The following STYX variants were observed in gnomAD, a reference collection of about 807,000 sequenced individuals.
The protein encoded by STYX is serine/threonine/tyrosine interacting protein.
STYX carries 20 observed loss-of-function variants against 42.7 expected under a neutral mutation model. That is an observed-to-expected ratio of 0.47 (90% confidence interval 0.33 to 0.68). The LOEUF (loss-of-function observed/expected upper bound fraction) is 0.68. Ranked by LOEUF, STYX falls within the 30% of genes least tolerant of loss-of-function variation. STYX has a pLI of 0.02. For synonymous variants in STYX, 78 were observed against 81.9 expected, an observed-to-expected ratio of 0.95 and a Z score of 0.26; for missense variants, 226 against 268.5, an observed-to-expected ratio of 0.84 and a Z score of 1.11.
intron 9 of STYX, among the ~76,000 whole-genome samples, chr14:52,759,958 G>A (rs190950502): frequency 2.4e-4 from 36 of 152,198 alleles, no homozygotes; most frequent in Admixed American, 2.1e-3. Flanking sequence ...AGCACTTTGG[G>A]AGAACAAGGC....
At chr14:52,761,929 C>T (rs1337392453) in intron 9 of STYX, among the ~76,000 whole-genome samples, 1 of 151,370 alleles carries the variant, frequency 6.6e-6, no homozygotes, top group African/African-American at 2.4e-5. Flanking sequence ...CCTGTAATCC[C>T]AGCTACTTGG....
At chr14:52,746,855 T>C (rs1011352288) in intron 3 of STYX, among the ~76,000 whole-genome samples, 7 of 152,212 alleles carry the variant, frequency 4.6e-5, no homozygotes, top group African/African-American at 1.4e-4. Flanking sequence ...AGTTAAACCT[T>C]CCTTATCAAG....
intron 1 of STYX, among the ~76,000 whole-genome samples, chr14:52,740,336 G>A (rs1373975190): frequency 6.6e-6 from 1 of 152,196 alleles, no homozygotes; most frequent in East Asian, 1.9e-4. Context: ...TGCTGGCTTA[G>A]AAATTACATG....
chr14:52,732,387 C>T (rs1343426416), intron 1 of STYX, among the ~76,000 whole-genome samples: 1 of 151,742 alleles, frequency 6.6e-6, no homozygotes, highest in African/African-American at 2.4e-5. Context: ...ATTCTCCCGC[C>T]TCAGCCTCCC....
intron 1 of STYX, among the ~76,000 whole-genome samples, chr14:52,738,460 T>C (rs146164917): frequency 1.4e-3 from 212 of 152,352 alleles, no homozygotes; most frequent in African/African-American, 4.9e-3. Flanking sequence ...AGGTAAATTT[T>C]GCATTCTATC....
chr14:52,733,326 C>T (rs1171779111), intron 1 of STYX, among the ~76,000 whole-genome samples: 5 of 152,108 alleles, frequency 3.3e-5, no homozygotes, highest in African/African-American at 1.2e-4. Context: ...CTGTGTGGGA[C>T]TTGAAAACAC....
At chr14:52,755,698 T>TC (rs1881835543) in intron 4 of STYX, among the ~76,000 whole-genome samples, 1 of 151,068 alleles carries the variant, frequency 6.6e-6, no homozygotes, top group Admixed American at 6.6e-5. Flanking sequence ...TTTTTTTTTT[T>TC]TTTTTCCCCT....
chr14:52,757,208 AAAT>A lies in STYX; in HGVS notation c.304-107_304-105del, dbSNP rs1881907304. ...TAGCATTTTGGAAATTGGTGAATCAAAATAATTTTTATACATATAAATTAGGAA... is the reference window on the plus strand; with the variant it reads ...TAGCATTTTGGAAATTGGTGAATCAAAATTTTTATACATATAAATTAGGAA... On this transcript the variant is annotated intron_variant, in intron 5 of 10. Transcript: ENST00000354586. 7 of 887,922 alleles carry A rather than the reference AAAT, an allele frequency of 7.9e-6. No homozygotes were observed. In the South Asian group the frequency reaches 9.4e-5, roughly 12 times the overall value. The allele number at this position is 887,922 out of a possible 1,614,324, so 55.0% of individuals were successfully genotyped here.
chr14:52,732,406 G>C (rs1423848849), intron 1 of STYX, among the ~76,000 whole-genome samples: 5 of 151,576 alleles, frequency 3.3e-5, no homozygotes, highest in Admixed American at 2.0e-4. Flanking sequence ...CCGAGTAGCT[G>C]GGACTGCAGG....
chr14:52,768,757 C>T, intron 9 of STYX, 83 bp from the exon 10 acceptor site: 4 of 890,426 alleles, frequency 4.5e-6, no homozygotes, highest in South Asian at 2.3e-5. Context: ...TGAAGAATAC[C>T]AACAGTGTAT....
At chr14:52,737,546 T>C (rs1881003895) in intron 1 of STYX, among the ~76,000 whole-genome samples, 1 of 152,242 alleles carries the variant, frequency 6.6e-6, no homozygotes, top group Admixed American at 6.5e-5. Flanking sequence ...AATTGATTTC[T>C]ACTAATTAAT....
At position 52,761,566 on chromosome 14, in the gene STYX, G is replaced by T. The variant is rs868221136; in HGVS notation, c.504+1812G>T. Among the ~76,000 whole-genome samples, 368 of 100,860 alleles carry T rather than the reference G, an allele frequency of 3.6e-3. 1 individual carries two copies. The highest frequency in any genetic ancestry group is 5.2e-3 in the Non-Finnish European group (275 of 52,890). 66.2% of individuals were successfully genotyped at this position (100,860 alleles called of 152,430 possible). ...CCCTAATTAACACCAGTAGCCAAAA[G>T]TTTTTTTTTTTTTTTTTTTTGAGAT... On this transcript the variant is annotated intron_variant, in intron 9 of 10. Transcript: ENST00000354586.
chr14:52,751,749 G>A (rs1164952204), intron 4 of STYX, among the ~76,000 whole-genome samples: 1 of 152,148 alleles, frequency 6.6e-6, no homozygotes, highest in Non-Finnish European at 1.5e-5. Flanking sequence ...GTACAAAAGT[G>A]AAAGGATATG....
intron 3 of STYX, among the ~76,000 whole-genome samples, chr14:52,749,653 G>T (rs577358865): frequency 6.6e-6 from 1 of 152,228 alleles, no homozygotes; most frequent in African/African-American, 2.4e-5. Flanking sequence ...TAATGCTCTA[G>T]GTAATAAAAT....
intron 1 of STYX, among the ~76,000 whole-genome samples, chr14:52,737,921 G>C (rs1024473384): frequency 6.6e-6 from 1 of 152,182 alleles, no homozygotes; most frequent in Admixed American, 6.5e-5. Flanking sequence ...GACTACAGGC[G>C]CCCGCCACCA....
At position 52,773,287 on chromosome 14, in the gene STYX, G is replaced by A. The variant is rs1035714842; in HGVS notation, c.*2181G>A. On this transcript the variant is annotated 3_prime_UTR_variant, in exon 11 of 11. Coordinates refer to ENST00000354586, the MANE Select transcript of STYX (RefSeq NM_145251.4). ...GTCTCTCACAAACACTGGGAAAAGG[G>A]ACTGTCATCATCTTGAGTACTCTGT... The A allele has an allele frequency of 6.6e-6, 1 of 151,294 alleles. No individual in the cohort carries two copies. The highest frequency in any genetic ancestry group is 1.5e-5 in the Non-Finnish European group (1 of 67,942). 9.4% of individuals were successfully genotyped at this position (151,294 alleles called of 1,614,324 possible). A position where few individuals can be genotyped will look rare whatever the true frequency, so the allele number is the denominator to read the frequency against.
chr14:52,759,758 A>T lies in STYX; in HGVS notation c.504+4A>T. 1 of 1,597,366 alleles carries T rather than the reference A, an allele frequency of 6.3e-7. No homozygotes were observed. Among genetic ancestry groups the T allele is most frequent in the Non-Finnish European group, 8.6e-7 (1 of 1,166,670 alleles). On this transcript the variant is annotated splice_donor_region_variant and intron_variant, in intron 9 of 10. Coordinates refer to ENST00000354586, the MANE Select transcript of STYX (RefSeq NM_145251.4). ...TGGATTTGTCCATCAACTTCAGGTA[A>T]CTTTTCTTCCTCTTTAAGGCAATCA... is the stretch of plus-strand genomic sequence containing the variant.
chr14:52,769,343 C>G (rs1444190399), intron 10 of STYX, among the ~76,000 whole-genome samples: 1 of 152,128 alleles, frequency 6.6e-6, no homozygotes, highest in Non-Finnish European at 1.5e-5. Context: ...CAAGCATGCT[C>G]TTAAAATCTT....
At chr14:52,769,984 A>G (rs1423588761) in intron 10 of STYX, among the ~76,000 whole-genome samples, 1 of 152,086 alleles carries the variant, frequency 6.6e-6, no homozygotes, top group Non-Finnish European at 1.5e-5. Flanking sequence ...CATTTCAGAA[A>G]ACAACTGCTG....
Sources: allele counts gnomAD v4.1 joint callset (sites outside exome capture counted in the v4.1 genomes callset), GRCh38; gene constraint gnomAD v4.1.1; transcripts MANE v1.5; gene names NCBI Gene and HGNC (gene_info 2026-07-23, HGNC 2026-07-21).